The following P2RY14 variants were observed in gnomAD, a reference collection of about 807,000 sequenced individuals.
P2RY14 encodes the protein P2Y purinoceptor 14.
A neutral mutation model predicts 0.9 loss-of-function variants in P2RY14; 2 were observed. The observed-to-expected ratio is 2.16, with a 90% CI of 0.88 to 6.79. The LOEUF (loss-of-function observed/expected upper bound fraction) is 6.79, where lower values mean the gene tolerates loss of function less well. P2RY14 is among the 30% of genes most tolerant of loss of function. The pLI, the probability that P2RY14 is intolerant of heterozygous loss-of-function variation, is 0.05. For missense variants in P2RY14, 378 were observed against 400.1 expected (o/e 0.94, Z 0.47); for synonymous variants, 158 against 147.2 (o/e 1.07, Z -0.53).
intron 2 of P2RY14, among the ~76,000 whole-genome samples, chr3:151,219,147 A>G (rs756151371): frequency 1.3e-5 from 2 of 152,206 alleles, no homozygotes; most frequent in African/African-American, 2.4e-5. Context: ...CAAAGATTCA[A>G]TCTGATTTAG....
rs1288860043 is a variant in P2RY14, at chr3:151,240,552, T to TA, written c.-132-20911dup. On this transcript the variant is annotated intron_variant, in intron 1 of 2. Coordinates refer to ENST00000309170, the MANE Select transcript of P2RY14 (RefSeq NM_014879.4). ...AAGAGGGTCACAGAGGTGAAAGAGC[T>TA]AAAAAACAAAACAAAAGGTGTAGCT... Among the ~76,000 whole-genome samples, 25 of 152,322 alleles carry TA rather than the reference T, an allele frequency of 1.6e-4. 1 individual carries two copies. The highest frequency in any genetic ancestry group is 3.4e-3 in the Middle Eastern group (1 of 294).
At chr3:151,235,025 A>G (rs1559914628) in intron 1 of P2RY14, among the ~76,000 whole-genome samples, 1 of 152,212 alleles carries the variant, frequency 6.6e-6, no homozygotes, top group Admixed American at 6.5e-5. Flanking sequence ...GTTTTTTTGT[A>G]TGCGGTGGAG....
In P2RY14 at chr3:151,213,883, A is replaced by G. The variant is rs762183032; in HGVS notation, c.434T>C (p.Val145Ala). ...AGCAAGGAGGAGCATGAGCATCCATACTATCACTGACAGAAGTTTGCTGTA... is the reference window on the plus strand; with the variant it reads ...AGCAAGGAGGAGCATGAGCATCCATGCTATCACTGACAGAAGTTTGCTGTA... ...VSYSKLLSVI[V>A]WMLMLLLAVP... is the part of the protein sequence containing the mutation. Residue 145 changes from valine to alanine, a missense_variant, in exon 3 of 3, where the codon GTA becomes GCA. Coordinates refer to ENST00000309170, the MANE Select transcript of P2RY14 (RefSeq NM_014879.4). 3 of 1,613,614 alleles carry G rather than the reference A, an allele frequency of 1.9e-6. No individual in the cohort carries two copies. Among genetic ancestry groups the G allele is most frequent in the Non-Finnish European group, 2.5e-6 (3 of 1,179,496 alleles).
chr3:151,242,503 G>T lies in P2RY14; in HGVS notation c.-132-22861C>A, dbSNP rs563322688. Among the ~76,000 whole-genome samples, 289 of 152,306 alleles carry T rather than the reference G, an allele frequency of 1.9e-3. 1 individual carries two copies. The highest frequency in any genetic ancestry group is 6.7e-3 in the African/African-American group (279 of 41,542). ...AACTGGGAGGCACCCCCCAGCAGGG[G>T]CACACTGACACCTCACACAGCAGGG... On this transcript the variant is annotated intron_variant, in intron 1 of 2. Coordinates refer to ENST00000309170, the MANE Select transcript of P2RY14 (RefSeq NM_014879.4).
chr3:151,250,006 T>TA (rs1416509438), intron 1 of P2RY14, among the ~76,000 whole-genome samples: 4 of 152,296 alleles, frequency 2.6e-5, no homozygotes, highest in Admixed American at 2.6e-4. Context: ...TCAAATAAAA[T>TA]AAAGCGAAAA....
At chr3:151,253,537 T>C (rs1329738556) in intron 1 of P2RY14, among the ~76,000 whole-genome samples, 1 of 152,164 alleles carries the variant, frequency 6.6e-6, no homozygotes, top group Non-Finnish European at 1.5e-5. Flanking sequence ...TGAGAATGAA[T>C]GGTTTTCCTC....
At chr3:151,233,626 G>A (rs1257330326) in intron 1 of P2RY14, among the ~76,000 whole-genome samples, 2 of 152,156 alleles carry the variant, frequency 1.3e-5, no homozygotes, top group Non-Finnish European at 2.9e-5. Flanking sequence ...CCAGCTACTC[G>A]GGAGGCTGAG....
chr3:151,271,592 G>A (rs957534751), intron 1 of P2RY14, among the ~76,000 whole-genome samples: 2 of 152,128 alleles, frequency 1.3e-5, no homozygotes, highest in Non-Finnish European at 2.9e-5. Flanking sequence ...CCAAAAGTTG[G>A]GAACAACCCA....
intron 1 of P2RY14, among the ~76,000 whole-genome samples, chr3:151,245,183 C>T (rs1735135523): frequency 6.6e-6 from 1 of 152,096 alleles, no homozygotes; most frequent in Non-Finnish European, 1.5e-5. Flanking sequence ...TGAATTCTAC[C>T]AGAGGTATAA....
intron 1 of P2RY14, among the ~76,000 whole-genome samples, chr3:151,236,113 C>T (rs188607676): frequency 1.7e-4 from 26 of 152,236 alleles, no homozygotes; most frequent in Admixed American, 1.4e-3. Flanking sequence ...GAATTTATTT[C>T]TCTTGTTAAC....
chr3:151,233,349 T>C (rs1464081714), intron 1 of P2RY14, among the ~76,000 whole-genome samples: 1 of 152,256 alleles, frequency 6.6e-6, no homozygotes, highest in Non-Finnish European at 1.5e-5. Flanking sequence ...CAGACAGTGT[T>C]AATTGCTTTT....
intron 1 of P2RY14, among the ~76,000 whole-genome samples, chr3:151,236,213 C>A (rs1246304805): frequency 6.6e-6 from 1 of 152,162 alleles, no homozygotes. Context: ...CTTACTTATA[C>A]AACTTTGGTC....
intron 1 of P2RY14, chr3:151,269,441 A>ACACACACACACAC (rs1559962861): frequency 1.3e-4 from 31 of 231,300 alleles, no homozygotes; most frequent in African/African-American, 3.9e-4. Context: ...ACACACACAC[A>ACACACACACACAC]AAATTCAGAG....
chr3:151,213,451 C>G lies in P2RY14; in HGVS notation c.866G>C (p.Cys289Ser), dbSNP rs780730940. The change falls in exon 3 of 3, where the codon TGC becomes TCC. Residue 289 changes from cysteine to serine, a missense_variant. Coordinates refer to ENST00000309170, the MANE Select transcript of P2RY14 (RefSeq NM_014879.4). Reference protein sequence around the residue: ...FTLLLSAANVCLDPIIYFFLC... With the variant: ...FTLLLSAANVSLDPIIYFFLC... ...AAAGAAATAAATAATAGGGTCCAAGCATACATTTGCAGCAGATAGTAGCAG... is the reference window on the plus strand; with the variant it reads ...AAAGAAATAAATAATAGGGTCCAAGGATACATTTGCAGCAGATAGTAGCAG... The G allele has an allele frequency of 6.2e-7, 1 of 1,614,178 alleles. No homozygotes were observed. Among genetic ancestry groups the G allele is most frequent in the East Asian group, 2.2e-5 (1 of 44,892 alleles).
At chr3:151,218,121 C>T (rs1728596980) in intron 2 of P2RY14, among the ~76,000 whole-genome samples, 1 of 152,120 alleles carries the variant, frequency 6.6e-6, no homozygotes, top group Non-Finnish European at 1.5e-5. Context: ...TCAAATCTTT[C>T]ACAAATGAAG....
intron 1 of P2RY14, among the ~76,000 whole-genome samples, chr3:151,230,817 C>G (rs1731521221): frequency 6.6e-6 from 1 of 152,156 alleles, no homozygotes; most frequent in African/African-American, 2.4e-5. Flanking sequence ...ACCCCCCTGC[C>G]AATGCAGAAG....
chr3:151,254,864 T>G (rs1240662708), intron 1 of P2RY14, among the ~76,000 whole-genome samples: 1 of 152,214 alleles, frequency 6.6e-6, no homozygotes, highest in Non-Finnish European at 1.5e-5. Context: ...AAATGTCACA[T>G]ACATGATATA....
intron 2 of P2RY14, among the ~76,000 whole-genome samples, chr3:151,215,334 C>A (rs1727990926): frequency 6.6e-6 from 1 of 152,090 alleles, no homozygotes; most frequent in Admixed American, 6.6e-5. Context: ...GTATAAAATG[C>A]ACACTAGACT....
At chr3:151,251,093 T>A (rs1393081709) in intron 1 of P2RY14, among the ~76,000 whole-genome samples, 1 of 152,228 alleles carries the variant, frequency 6.6e-6, no homozygotes, top group Non-Finnish European at 1.5e-5. Context: ...GGGCTTGCCC[T>A]CAAATGTTGA....
Sources: gnomAD v4.1 joint callset for allele counts (sites outside exome capture counted in the v4.1 genomes callset) on GRCh38, gnomAD v4.1.1 for gene constraint, MANE v1.5 for transcripts, NCBI Gene and HGNC (gene_info 2026-07-23, HGNC 2026-07-21) for gene names.